The following CPXM2 variants were observed in gnomAD, a reference collection of about 807,000 sequenced individuals.
CPXM2 encodes the protein carboxypeptidase X, M14 family member 2.
CPXM2 carries 66 observed loss-of-function variants against 86.1 expected under a neutral mutation model. The ratio of observed to expected loss-of-function variants is 0.77; its 90% CI spans 0.63 to 0.94. The LOEUF (loss-of-function observed/expected upper bound fraction) is 0.94. Among genes scored for constraint, CPXM2 ranks in the 40% least tolerant of loss-of-function variants. CPXM2 has a pLI of 0.00. For synonymous variants in CPXM2, 388 were observed against 400.2 expected (o/e 0.97, Z 0.36); for missense variants, 948 against 1,026.3 (o/e 0.92, Z 1.04).
intron 2 of CPXM2, among the ~76,000 whole-genome samples, chr10:123,901,944 C>G (rs1352266759): frequency 6.6e-6 from 1 of 152,202 alleles, no homozygotes; most frequent in African/African-American, 2.4e-5. Flanking sequence ...GCCTGAATTG[C>G]AAACTGTTCA....
chr10:123,805,296 G>A (rs1426316259), intron 4 of CPXM2, among the ~76,000 whole-genome samples: 1 of 151,794 alleles, frequency 6.6e-6, no homozygotes. Context: ...AGCTTCTTGA[G>A]GTCACTGATT....
intron 4 of CPXM2, among the ~76,000 whole-genome samples, chr10:123,832,364 C>T (rs1848183881): frequency 6.8e-6 from 1 of 147,240 alleles, no homozygotes; most frequent in Non-Finnish European, 1.5e-5. Flanking sequence ...CCTCACAACA[C>T]AGGAGAAAGC....
At chr10:123,895,104 TTTTTTTTC>T (rs1194755070), upstream of CPXM2, among the ~76,000 whole-genome samples, 74 of 115,320 alleles carry the variant, frequency 6.4e-4, no homozygotes, top group South Asian at 8.4e-3. Flanking sequence ...ACAGATTCTT[TTTTTTTTC>T]TTTTTTTTCT....
At chr10:123,908,112 G>A (rs1945458941) in intron 2 of CPXM2, among the ~76,000 whole-genome samples, 2 of 152,152 alleles carry the variant, frequency 1.3e-5, no homozygotes, top group African/African-American at 4.8e-5. Context: ...TTGTGCAGGG[G>A]AGGGATAGTG....
In CPXM2 at chr10:123,767,121, C is replaced by T. The variant is rs1268544607; in HGVS notation, c.1331G>A (p.Arg444His). The T allele has an allele frequency of 8.7e-6, 14 of 1,613,966 alleles. No homozygotes were observed. The highest frequency in any genetic ancestry group is 1.6e-4 in the Middle Eastern group (1 of 6,080). Residue 444 changes from arginine (R) to histidine (H), a missense_variant, in exon 10 of 14, where the codon CGC becomes CAC. By Grantham distance (29) the Arg-to-His change is conservative (BLOSUM62 0). Coordinates refer to ENST00000241305, the MANE Select transcript of CPXM2 (RefSeq NM_198148.3). ...GATGTCAATTCCATCGTGGGTCCAG[C>T]GTCCCAGGGACCAGCCTCCCAGCTC... Reference protein sequence around the residue: ...GSELGGWSLGRWTHDGIDINN... With the variant: ...GSELGGWSLGHWTHDGIDINN...
At chr10:123,886,964 C>G (rs1289419234) in intron 1 of CPXM2, 3 of 152,180 alleles carry the variant, frequency 2.0e-5, no homozygotes, top group Non-Finnish European at 4.4e-5. Context: ...AATGTGGCCC[C>G]TTACCTTATT....
At chr10:123,846,650 C>G (rs1848502472) in intron 3 of CPXM2, among the ~76,000 whole-genome samples, 1 of 152,002 alleles carries the variant, frequency 6.6e-6, no homozygotes, top group Admixed American at 6.6e-5. Context: ...TATATCAGAC[C>G]CAGAAATCAA....
chr10:123,781,189 C>T (rs923690907), intron 6 of CPXM2, among the ~76,000 whole-genome samples: 16 of 152,272 alleles, frequency 1.1e-4, no homozygotes, highest in South Asian at 4.1e-4. Context: ...AGCACCCTGG[C>T]GGGTATAATC....
chr10:123,911,672 G>A (rs1945489355), intron 2 of CPXM2, among the ~76,000 whole-genome samples: 1 of 151,972 alleles, frequency 6.6e-6, no homozygotes, highest in African/African-American at 2.4e-5. Flanking sequence ...ACAGAGGCAT[G>A]GCAAGAGATG....
chr10:123,818,934 T>C (rs1243721459), intron 4 of CPXM2, among the ~76,000 whole-genome samples: 1 of 152,172 alleles, frequency 6.6e-6, no homozygotes, highest in African/African-American at 2.4e-5. Flanking sequence ...CCATCACCCC[T>C]AGTGATCCAC....
At chr10:123,842,865 G>C (rs1848414966) in intron 3 of CPXM2, among the ~76,000 whole-genome samples, 1 of 152,200 alleles carries the variant, frequency 6.6e-6, no homozygotes, top group African/African-American at 2.4e-5. Flanking sequence ...ATCTAGGCAG[G>C]AAGAAAGATG....
intron 2 of CPXM2, among the ~76,000 whole-genome samples, chr10:123,934,235 G>C (rs1590129465): frequency 6.6e-6 from 1 of 152,256 alleles, no homozygotes; most frequent in Non-Finnish European, 1.5e-5. Flanking sequence ...CCACAAACTG[G>C]TGACTTACAA....
intron 9 of CPXM2, among the ~76,000 whole-genome samples, chr10:123,768,276 G>A (rs1846534304): frequency 6.6e-6 from 1 of 152,082 alleles, no homozygotes; most frequent in Non-Finnish European, 1.5e-5. Context: ...TACTTAGGAG[G>A]CTGAGGCAAA....
At chr10:123,841,525 C>G (rs1287996577) in intron 4 of CPXM2, among the ~76,000 whole-genome samples, 2 of 152,194 alleles carry the variant, frequency 1.3e-5, no homozygotes, top group African/African-American at 2.4e-5. Context: ...CCCCCTTCCT[C>G]CTAGCCCTGG....
intron 4 of CPXM2, among the ~76,000 whole-genome samples, chr10:123,831,964 G>T (rs1848175719): frequency 1.4e-5 from 2 of 145,638 alleles, no homozygotes; most frequent in African/African-American, 2.5e-5. Context: ...CGTGCCAGGG[G>T]GTGGGGGTTG....
intron 3 of CPXM2, among the ~76,000 whole-genome samples, chr10:123,847,508 A>C (rs1186919044): frequency 1.3e-5 from 2 of 151,932 alleles, no homozygotes; most frequent in Non-Finnish European, 2.9e-5. Flanking sequence ...CCTGGGCAAC[A>C]GGGCGAGACT....
intron 4 of CPXM2, among the ~76,000 whole-genome samples, chr10:123,800,281 T>C (rs1847429993): frequency 6.6e-6 from 1 of 152,114 alleles, no homozygotes; most frequent in South Asian, 2.1e-4. Flanking sequence ...AACCCTCATC[T>C]CACACCTTCT....
In CPXM2 at chr10:123,864,515, C is replaced by T. The variant is rs1158022526; in HGVS notation, c.404-1792G>A. Among the ~76,000 whole-genome samples the T allele has an allele frequency of 2.0e-5, 3 of 152,206 alleles. No individual in the cohort carries two copies. In the South Asian group the frequency reaches 6.2e-4, roughly 32 times the overall value. ...TCAGAAACACCAAAAGGATCTGCTG[C>T]CATCTTATGAACCTATTTCACTGCC... On this transcript the variant is annotated intron_variant, in intron 2 of 13. Transcript: ENST00000241305.
intron 9 of CPXM2, among the ~76,000 whole-genome samples, chr10:123,768,163 G>A (rs1427457681): frequency 2.6e-5 from 4 of 152,030 alleles, no homozygotes; most frequent in African/African-American, 7.3e-5. Context: ...CAAGGCTGGC[G>A]GATTACCTTA....
Sources: gnomAD v4.1 joint callset for allele counts (sites outside exome capture counted in the v4.1 genomes callset) on GRCh38, gnomAD v4.1.1 for gene constraint, MANE v1.5 for transcripts, NCBI Gene and HGNC (gene_info 2026-07-23, HGNC 2026-07-21) for gene names.